MSI1: variants seen among roughly 807,000 people sequenced by gnomAD.
The protein encoded by MSI1 is musashi RNA binding protein 1.
Under a neutral mutation model 54.4 loss-of-function variants are expected in MSI1, and 15 were observed. The ratio of observed to expected loss-of-function variants is 0.28; its 90% CI spans 0.18 to 0.42. The LOEUF is 0.42. Ranked by LOEUF, MSI1 falls within the 20% of genes least tolerant of loss-of-function variation. The pLI is 1.00. For synonymous variants in MSI1, 200 were observed against 196.5 expected (o/e 1.02, Z -0.15); for missense variants, 304 against 506.0 (o/e 0.60, Z 3.83).
At chr12:120,341,002 C>T (rs1273371402), downstream of MSI1, among the ~76,000 whole-genome samples, 1 of 151,086 alleles carries the variant, frequency 6.6e-6, no homozygotes, top group African/African-American at 2.4e-5. Flanking sequence ...TTTCCTGCCT[C>T]AGCCTCCTGA....
intron 11 of MSI1, among the ~76,000 whole-genome samples, chr12:120,349,207 T>C (rs1200151215): frequency 6.6e-6 from 1 of 151,522 alleles, no homozygotes; most frequent in Non-Finnish European, 1.5e-5. Flanking sequence ...GTGATTCTCC[T>C]GGCTCAGCCT....
At chr12:120,353,159 C>T in intron 10 of MSI1, 140 bp downstream of exon 10, 1 of 830,784 alleles carries the variant, frequency 1.2e-6, no homozygotes, top group African/African-American at 1.7e-5. Context: ...GAGAGGCCCT[C>T]TTTCCTCAGA....
chr12:120,364,825 C>G, intron 4 of MSI1, 70 bp from the exon 5 acceptor site: 1 of 1,445,242 alleles, frequency 6.9e-7, no homozygotes, highest in Non-Finnish European at 9.4e-7. Flanking sequence ...ACACAGCCTT[C>G]AGCCCTCAGG....
rs540577615 is a variant in MSI1 at position 120,367,248 on chromosome 12, G to A, written c.267+760C>T. Among the ~76,000 whole-genome samples, 8 of 152,236 alleles carry A rather than the reference G, an allele frequency of 5.3e-5. No homozygotes were observed. In the South Asian group the frequency reaches 1.5e-3, roughly 28 times the overall value. ...GAGATCCACACTATCCCTGCCCCCA[G>A]CAGACAGACACCCCCATCACATGGG... On this transcript the variant is annotated intron_variant, in intron 4 of 14. Transcript: ENST00000257552.
intron 4 of MSI1, among the ~76,000 whole-genome samples, chr12:120,365,895 G>C (rs1005863844): frequency 1.3e-5 from 2 of 152,188 alleles, no homozygotes; most frequent in Admixed American, 6.5e-5. Flanking sequence ...GCAGCTGCGG[G>C]GAATCAGATG....
downstream of MSI1, among the ~76,000 whole-genome samples, chr12:120,340,327 G>A (rs1164509066): frequency 2.0e-5 from 3 of 152,080 alleles, no homozygotes; most frequent in Admixed American, 1.3e-4. Flanking sequence ...CAGGCGATCC[G>A]CCCGCCTTGG....
chr12:120,353,255 A>C (rs2136935083), intron 10 of MSI1, 44 bp downstream of exon 10: 3 of 1,574,870 alleles, frequency 1.9e-6, no homozygotes, highest in Non-Finnish European at 2.6e-6. Flanking sequence ...CTGCCCGGGA[A>C]CCAGGGGCAT....
chr12:120,363,250 C>G (rs1328291739), intron 5 of MSI1, 115 bp from the exon 6 acceptor site: 4 of 822,810 alleles, frequency 4.9e-6, no homozygotes, highest in Non-Finnish European at 7.8e-6. Flanking sequence ...GTGGCCCCAG[C>G]CTCTTTAAAG....
chr12:120,340,231 T>G (rs1392060780), downstream of MSI1, among the ~76,000 whole-genome samples: 1 of 151,550 alleles, frequency 6.6e-6, no homozygotes, highest in African/African-American at 2.4e-5. Context: ...GGACTACAGG[T>G]GCGTGCCACC....
intron 4 of MSI1, among the ~76,000 whole-genome samples, chr12:120,367,445 C>G (rs1017535559): frequency 6.6e-6 from 1 of 152,160 alleles, no homozygotes; most frequent in Non-Finnish European, 1.5e-5. Flanking sequence ...CGTTTCCAGG[C>G]AAGCTAGAGC....
At chr12:120,362,932 C>T (rs1875766277) in intron 6 of MSI1, 111 bp downstream of exon 6, 1 of 929,838 alleles carries the variant, frequency 1.1e-6, no homozygotes, top group Non-Finnish European at 1.7e-6. Flanking sequence ...GATCCAGCCC[C>T]ACTCTCATCT....
At chr12:120,340,674 C>T (rs1465672283), downstream of MSI1, among the ~76,000 whole-genome samples, 2 of 151,840 alleles carry the variant, frequency 1.3e-5, no homozygotes, top group African/African-American at 4.8e-5. Context: ...TGCCACCATA[C>T]CTAAATAATT....
intron 5 of MSI1, among the ~76,000 whole-genome samples, chr12:120,364,364 T>C (rs1690405760): frequency 6.6e-6 from 1 of 152,134 alleles, no homozygotes; most frequent in South Asian, 2.1e-4. Flanking sequence ...TGTATTTCAC[T>C]TCCAGAGGCC....
At chr12:120,345,753 C>A in intron 13 of MSI1, 121 bp from the exon 14 acceptor site, 6 of 1,230,372 alleles carry the variant, frequency 4.9e-6, no homozygotes, top group Non-Finnish European at 5.9e-6. Flanking sequence ...TCCGGATCGC[C>A]CCCCTACTGC....
Position 120,357,803 on chromosome 12 carries a change from G to A in MSI1, c.534+13C>T, listed in dbSNP as rs371681923. On this transcript the variant is annotated intron_variant, in intron 8 of 14. Transcript: ENST00000257552. ...CTTACAGGCGTGAGCCACTGCGCCC[G>A]GACCCAACTCACCATTTTGTTGTTG... 4.3e-5 allele frequency: 70 copies of A among 1,613,274 alleles called. No homozygotes were observed. The East Asian group carries it at 6.7e-4, about 15-fold the overall frequency.
At position 120,368,785 on chromosome 12, in the gene MSI1, G is replaced by T. The variant is rs759935206; in HGVS notation, c.100+48C>A. 5 of 1,385,694 alleles carry T rather than the reference G, an allele frequency of 3.6e-6. No homozygotes were observed. Among genetic ancestry groups the T allele is most frequent in the Non-Finnish European group, 4.7e-6 (5 of 1,053,032 alleles). 85.8% of individuals were successfully genotyped at this position (1,385,694 alleles called of 1,614,324 possible). On this transcript the variant is annotated intron_variant, in intron 2 of 14. Coordinates refer to ENST00000257552, the MANE Select transcript of MSI1 (RefSeq NM_002442.4). This position sits in a 1 kb window ranked among gnomAD's most constrained non-coding sequence, Gnocchi z 6.6. ...GGTGTCCGGGTCCGGGGCGCCGGGG[G>T]GTCCGGGGTGCCCTGCCGGACCGGC...
chr12:120,357,060 G>C, intron 8 of MSI1, 41 bp from the exon 9 acceptor site: 1 of 1,538,914 alleles, frequency 6.5e-7, no homozygotes, highest in Non-Finnish European at 9.0e-7. Flanking sequence ...CACAGAGCTA[G>C]AGTCATTAGC....
chr12:120,348,593 TC>T (rs1397089016), intron 11 of MSI1, among the ~76,000 whole-genome samples: 1 of 151,110 alleles, frequency 6.6e-6, no homozygotes, highest in African/African-American at 2.4e-5. Context: ...AAAGATAGGG[TC>T]TTGGAAAGGC....
At chr12:120,365,494 T>C (rs1291331171) in intron 4 of MSI1, among the ~76,000 whole-genome samples, 16 of 152,238 alleles carry the variant, frequency 1.1e-4, no homozygotes, top group Admixed American at 1.0e-3. Context: ...ATCGAGGGCC[T>C]TCCTTGCGTA....
Sources: allele counts gnomAD v4.1 joint callset (sites outside exome capture counted in the v4.1 genomes callset), GRCh38; gene constraint gnomAD v4.1.1; non-coding constraint Gnocchi (gnomAD v3.1); transcripts MANE v1.5; gene names NCBI Gene and HGNC (gene_info 2026-07-23, HGNC 2026-07-21).